FRMPD4: variants seen among roughly 807,000 people sequenced by gnomAD.
FRMPD4 encodes the protein FERM and PDZ domain-containing protein 4.
FRMPD4 carries 22 observed loss-of-function variants against 94.1 expected under a neutral mutation model. The observed-to-expected ratio is 0.23, with a 90% confidence interval of 0.17 to 0.33. The LOEUF is 0.33. Among genes scored for constraint, FRMPD4 ranks in the 10% least tolerant of loss-of-function variants. FRMPD4 has a pLI of 1.00. For missense variants in FRMPD4, 1,111 were observed against 1,339.9 expected (o/e 0.83, Z 2.67); for synonymous variants, 631 against 548.6 (o/e 1.15, Z -2.10).
chrX:12,173,543 AT>A (rs757260724), intron 1 of FRMPD4, among the ~76,000 whole-genome samples: 54 of 112,425 alleles, frequency 4.8e-4, no homozygotes, highest in Non-Finnish European at 8.8e-4. Context: ...GTATAAGAAA[AT>A]GTCACATTTC....
At chrX:12,343,924 C>T (rs778672997) in intron 1 of FRMPD4, among the ~76,000 whole-genome samples, 1 of 112,307 alleles carries the variant, frequency 8.9e-6, no homozygotes, top group South Asian at 3.7e-4. Context: ...TAAGCATCAT[C>T]ATATGTTGCC....
intron 3 of FRMPD4, among the ~76,000 whole-genome samples, chrX:11,961,485 CTG>C (rs1355954450): frequency 8.9e-6 from 1 of 112,186 alleles, no homozygotes; most frequent in African/African-American, 3.2e-5. Context: ...TTGCTAAGAT[CTG>C]TTTGCCCCTT....
At chrX:11,908,130 T>C (rs937464666) in intron 3 of FRMPD4, among the ~76,000 whole-genome samples, 23 of 112,217 alleles carry the variant, frequency 2.0e-4, no homozygotes, top group African/African-American at 7.4e-4. Flanking sequence ...AAACAATTTA[T>C]GCCAGTAAAG....
intron 1 of FRMPD4, among the ~76,000 whole-genome samples, chrX:12,177,000 T>C (rs1165205500): frequency 3.6e-5 from 4 of 112,133 alleles, no homozygotes; most frequent in Non-Finnish European, 7.5e-5. Flanking sequence ...GGAATAAAAA[T>C]AAAAAGCCAT....
chrX:12,102,884 G>T (rs899857907), intron 3 of FRMPD4, among the ~76,000 whole-genome samples: 1 of 110,377 alleles, frequency 9.1e-6, no homozygotes, highest in African/African-American at 3.3e-5. Flanking sequence ...CTTGCTCCGA[G>T]AGATGCTATC....
At chrX:12,641,770 A>G (rs371874933) in intron 4 of FRMPD4, among the ~76,000 whole-genome samples, 15 of 112,615 alleles carry the variant, frequency 1.3e-4, no homozygotes, top group African/African-American at 4.5e-4. Context: ...AAGGAAAACT[A>G]TGCTTTTCTA....
intron 1 of FRMPD4, among the ~76,000 whole-genome samples, chrX:12,235,663 T>G (rs1355394940): frequency 8.9e-6 from 1 of 112,259 alleles, no homozygotes; most frequent in Non-Finnish European, 1.9e-5. Flanking sequence ...CAGTACAGCA[T>G]TTTATATCCA....
At chrX:11,950,685 TCAA>T (rs902922469) in intron 3 of FRMPD4, among the ~76,000 whole-genome samples, 4 of 111,626 alleles carry the variant, frequency 3.6e-5, no homozygotes, top group African/African-American at 1.3e-4. Flanking sequence ...TTTAAAAAGC[TCAA>T]CATCACTGAT....
At chrX:12,298,184 T>C (rs2054803046) in intron 1 of FRMPD4, among the ~76,000 whole-genome samples, 1 of 111,828 alleles carries the variant, frequency 8.9e-6, no homozygotes, top group African/African-American at 3.2e-5. Context: ...GTTTTCTTGA[T>C]TTTTAGTCCT....
At chrX:12,328,632 A>C (rs1347096217) in intron 1 of FRMPD4, among the ~76,000 whole-genome samples, 2 of 112,579 alleles carry the variant, frequency 1.8e-5, no homozygotes, top group African/African-American at 6.5e-5. Flanking sequence ...TGAATTATAT[A>C]ATGGCACCTC....
rs1381816025 is a variant in FRMPD4 at position 12,598,634 on chromosome X, A to G, written c.159-11087A>G. Among the ~76,000 whole-genome samples the G allele has an allele frequency of 1.7e-4, 19 of 111,772 alleles. No individual in the cohort carries two copies. The Admixed American group carries it at 1.8e-3, about 11-fold the overall frequency. ...GTACAAGGCTCAGAACAAGAGAAACACAAGCAAAACCCAAAACAGAAAAGA... is the reference window on the plus strand; with the variant it reads ...GTACAAGGCTCAGAACAAGAGAAACGCAAGCAAAACCCAAAACAGAAAAGA... On this transcript the variant is annotated intron_variant, in intron 2 of 16. Transcript: ENST00000675598.
intron 1 of FRMPD4, among the ~76,000 whole-genome samples, chrX:12,338,932 G>A (rs1318493196): frequency 8.9e-6 from 1 of 112,110 alleles, no homozygotes; most frequent in Non-Finnish European, 1.9e-5. Flanking sequence ...ACCAGTTAGT[G>A]CGTAGAGGAA....
At chrX:11,880,543 G>A (rs775038533) in intron 3 of FRMPD4, among the ~76,000 whole-genome samples, 4 of 112,161 alleles carry the variant, frequency 3.6e-5, no homozygotes, top group African/African-American at 9.7e-5. Flanking sequence ...AGTACAGGAA[G>A]ATGAGAGAGA....
At chrX:12,266,309 C>T (rs956585253) in intron 1 of FRMPD4, among the ~76,000 whole-genome samples, 3 of 110,542 alleles carry the variant, frequency 2.7e-5, no homozygotes, top group Non-Finnish European at 5.7e-5. Flanking sequence ...AAACATTTCC[C>T]ATGGGTCTGC....
At chrX:12,160,383 C>T (rs1490067481) in intron 1 of FRMPD4, among the ~76,000 whole-genome samples, 1 of 111,631 alleles carries the variant, frequency 9.0e-6, no homozygotes, top group African/African-American at 3.3e-5. Flanking sequence ...TCCATACCTG[C>T]TTATATGTGG....
chrX:11,880,403 G>T (rs764835017), intron 3 of FRMPD4, among the ~76,000 whole-genome samples: 1 of 111,589 alleles, frequency 9.0e-6, no homozygotes, highest in Non-Finnish European at 1.9e-5. Flanking sequence ...TATTAGCAGT[G>T]AGAATAGAGA....
intron 16 of FRMPD4, among the ~76,000 whole-genome samples, chrX:12,719,104 A>G (rs2042168608): frequency 8.9e-6 from 1 of 112,670 alleles, no homozygotes; most frequent in African/African-American, 3.2e-5. Flanking sequence ...GTTATATGAT[A>G]GTATTGCTTA....
chrX:12,053,355 GAAAGAA>G, intron 3 of FRMPD4, among the ~76,000 whole-genome samples: 1 of 60,345 alleles, frequency 1.7e-5, no homozygotes, highest in Non-Finnish European at 3.1e-5. Context: ...AGAAAGGAAA[GAAAGAA>G]GAAAGAAAGA....
At chrX:11,903,881 G>A (rs1016713561) in intron 3 of FRMPD4, among the ~76,000 whole-genome samples, 11 of 111,575 alleles carry the variant, frequency 9.9e-5, no homozygotes, top group Non-Finnish European at 2.1e-4. Context: ...CTGGGCTCAG[G>A]CAATGCTCTC....
Sources: allele counts gnomAD v4.1 joint callset (sites outside exome capture counted in the v4.1 genomes callset), GRCh38; gene constraint gnomAD v4.1.1; transcripts MANE v1.5; gene names NCBI Gene and HGNC (gene_info 2026-07-23, HGNC 2026-07-21).